COL24A1: variants seen among roughly 807,000 people sequenced by gnomAD.
The protein encoded by COL24A1 is collagen alpha-1(XXIV) chain.
COL24A1 carries 224 observed loss-of-function variants against 253.9 expected under a neutral mutation model. That is an observed-to-expected ratio of 0.88 (90% CI 0.79 to 0.99). The LOEUF (loss-of-function observed/expected upper bound fraction) is 0.99, where lower values mean the gene tolerates loss of function less well. Among genes scored for constraint, COL24A1 ranks in the 50% least tolerant of loss-of-function variants. The pLI, the probability that COL24A1 is intolerant of heterozygous loss-of-function variation, is 0.00. For missense variants in COL24A1, 2,131 were observed against 2,068.5 expected, an observed-to-expected ratio of 1.03 and a Z score of -0.59; for synonymous variants, 685 against 673.7, an observed-to-expected ratio of 1.02 and a Z score of -0.26.
intron 24 of COL24A1, among the ~76,000 whole-genome samples, chr1:85,948,840 TA>T (rs1226213688): frequency 2.0e-5 from 3 of 151,050 alleles, no homozygotes; most frequent in African/African-American, 7.3e-5. Flanking sequence ...TAAAGTATAA[TA>T]AAAAATATAT....
intron 24 of COL24A1, among the ~76,000 whole-genome samples, chr1:85,923,176 C>T (rs1375462407): frequency 6.6e-6 from 1 of 152,132 alleles, no homozygotes; most frequent in Admixed American, 6.5e-5. Flanking sequence ...AAAGCAAGTC[C>T]TTAGGGATCT....
rs1159918621 is a variant in COL24A1 at position 86,063,759 on chromosome 1, C to A, written c.1708G>T (p.Gly570Cys). Residue 570 changes from glycine (G) to cysteine (C), a missense_variant and splice_region_variant, in exon 8 of 60, where the codon GGT becomes TGT. Coordinates refer to ENST00000370571, the MANE Select transcript of COL24A1 (RefSeq NM_152890.7). Reference protein sequence around the residue: ...MGPPGMQGDKGLKGHPGLPGL... With the variant: ...MGPPGMQGDKCLKGHPGLPGL... ...GGGAGTCCAGGATGTCCTTTGAGAC[C>A]CTGTAAAAGAATAAGTGGAGACATG... 6 of 1,534,002 alleles carry A rather than the reference C, an allele frequency of 3.9e-6. No homozygotes were observed. The South Asian group carries it at 6.6e-5, about 17-fold the overall frequency.
intron 19 of COL24A1, among the ~76,000 whole-genome samples, chr1:85,989,060 T>C (rs1380287911): frequency 1.3e-5 from 2 of 152,172 alleles, no homozygotes; most frequent in African/African-American, 2.4e-5. Flanking sequence ...AAAAACTAGA[T>C]TCTTTTCCTG....
intron 47 of COL24A1, among the ~76,000 whole-genome samples, chr1:85,792,415 G>T (rs1670364721): frequency 2.0e-5 from 3 of 151,462 alleles, no homozygotes; most frequent in Non-Finnish European, 4.4e-5. Context: ...GACCAGGTGT[G>T]GTGGCTCATC....
chr1:86,077,383 G>T (rs1273161259), intron 7 of COL24A1, among the ~76,000 whole-genome samples: 1 of 152,208 alleles, frequency 6.6e-6, no homozygotes, highest in African/African-American at 2.4e-5. Flanking sequence ...CTTTTACACT[G>T]TTGGTTGGAG....
chr1:86,144,182 A>T (rs949064432), intron 2 of COL24A1, among the ~76,000 whole-genome samples: 10 of 152,154 alleles, frequency 6.6e-5, no homozygotes, highest in Admixed American at 5.2e-4. Flanking sequence ...ATTGAAAATT[A>T]TGATGCTTGC....
At position 85,896,399 on chromosome 1, in the gene COL24A1, C is replaced by T. The variant is rs763267789; in HGVS notation, c.2789G>A (p.Gly930Glu). ...TTGTTCCCCTAAGAGACCATCTGGTCCTCTTGATCCCTAGAGGTGAAAAAA... is the reference window on the plus strand; with the variant it reads ...TTGTTCCCCTAAGAGACCATCTGGTTCTCTTGATCCCTAGAGGTGAAAAAA... ...QGPKGQRGSR[G>E]PDGLLGEQGI... Residue 930 changes from glycine (G) to glutamate (E), a missense_variant, in exon 29 of 60, where the codon GGA becomes GAA. Physicochemically the swap from Gly to Glu is moderately conservative, Grantham distance 98. Transcript: ENST00000370571. 19 of 1,612,970 alleles carry T rather than the reference C, an allele frequency of 1.2e-5. No homozygotes were observed. The highest frequency in any genetic ancestry group is 1.5e-5 in the Non-Finnish European group (18 of 1,179,084).
chr1:86,148,314 A>C (rs1382742677), intron 1 of COL24A1, among the ~76,000 whole-genome samples: 1 of 152,012 alleles, frequency 6.6e-6, no homozygotes, highest in Non-Finnish European at 1.5e-5. Context: ...CCTCCTGAAT[A>C]GCTGGAATTA....
chr1:86,037,830 T>C (rs640303), intron 12 of COL24A1, among the ~76,000 whole-genome samples: 108,869 of 151,982 alleles, frequency 0.72, 40,364 homozygotes, highest in African/African-American at 0.89. Flanking sequence ...GAATATATAA[T>C]GTCTTATTTC....
chr1:85,935,245 G>A (rs527665375), intron 24 of COL24A1, among the ~76,000 whole-genome samples: 1 of 119,616 alleles, frequency 8.4e-6, no homozygotes, highest in African/African-American at 3.0e-5. Context: ...AACAAAAAGA[G>A]GAAAAGGCTA....
chr1:86,047,615 C>T (rs960834910), intron 11 of COL24A1, among the ~76,000 whole-genome samples: 3 of 151,766 alleles, frequency 2.0e-5, no homozygotes, highest in Admixed American at 2.0e-4. Flanking sequence ...TATATACACA[C>T]ATATATATGT....
chr1:86,060,195 TA>T (rs201203631), intron 8 of COL24A1, among the ~76,000 whole-genome samples: 16 of 152,222 alleles, frequency 1.1e-4, no homozygotes, highest in African/African-American at 1.7e-4. Context: ...ACTTTTTTTT[TA>T]AAAAAGACTC....
intron 24 of COL24A1, among the ~76,000 whole-genome samples, chr1:85,927,588 A>C (rs1430056204): frequency 2.6e-5 from 3 of 116,010 alleles, no homozygotes; most frequent in African/African-American, 1.0e-4. Flanking sequence ...CCACAGCTCA[A>C]GGAGGCCTGC....
chr1:85,814,608 CA>C (rs1347584014), intron 47 of COL24A1, among the ~76,000 whole-genome samples: 1 of 152,178 alleles, frequency 6.6e-6, no homozygotes, highest in Non-Finnish European at 1.5e-5. Flanking sequence ...TGTAAGCAGG[CA>C]ATTCAGATTT....
At chr1:86,132,227 G>C (rs1406882957) in intron 2 of COL24A1, among the ~76,000 whole-genome samples, 1 of 152,056 alleles carries the variant, frequency 6.6e-6, no homozygotes, top group African/African-American at 2.4e-5. Flanking sequence ...TTTTTTTCTT[G>C]TGAATTTGTT....
chr1:86,062,351 T>C (rs897807190), intron 8 of COL24A1, among the ~76,000 whole-genome samples: 2 of 151,976 alleles, frequency 1.3e-5, no homozygotes, highest in Non-Finnish European at 2.9e-5. Context: ...ACAATTAAAA[T>C]GCAAAATTAT....
intron 28 of COL24A1, among the ~76,000 whole-genome samples, chr1:85,902,235 T>G (rs763959498): frequency 1.3e-5 from 2 of 152,152 alleles, no homozygotes; most frequent in Admixed American, 6.5e-5. Flanking sequence ...CAGCAAGCAA[T>G]AAAGATCCCT....
intron 3 of COL24A1, among the ~76,000 whole-genome samples, chr1:86,123,361 A>T (rs72716178): frequency 0.15 from 22,951 of 151,888 alleles, 1,901 homozygotes; most frequent in South Asian, 0.25. Context: ...ACCTTTGAAC[A>T]TCTCTAGCCC....
intron 25 of COL24A1, 117 bp downstream of exon 25, chr1:85,911,263 G>T: frequency 1.3e-6 from 1 of 762,230 alleles, no homozygotes; most frequent in Non-Finnish European, 2.2e-6. Context: ...TTCAGTATAG[G>T]TAATGTGCTA....
Sources: gnomAD v4.1 joint callset for allele counts (sites outside exome capture counted in the v4.1 genomes callset) on GRCh38, gnomAD v4.1.1 for gene constraint, MANE v1.5 for transcripts, NCBI Gene and HGNC (gene_info 2026-07-23, HGNC 2026-07-21) for gene names.